The following DLGAP2 variants were observed in gnomAD, a reference collection of about 807,000 sequenced individuals.
DLGAP2 encodes disks large-associated protein 2.
DLGAP2 carries 26 observed loss-of-function variants against 100.3 expected under a neutral mutation model. That is an observed-to-expected ratio of 0.26 (90% CI 0.19 to 0.36). The LOEUF (loss-of-function observed/expected upper bound fraction) is 0.36, where lower values mean the gene tolerates loss of function less well. Among genes scored for constraint, DLGAP2 ranks in the 10% least tolerant of loss-of-function variants. DLGAP2 has a pLI of 1.00. For missense variants in DLGAP2, 1,858 were observed against 1,453.2 expected (o/e 1.28, Z -4.53); for synonymous variants, 886 against 630.1 (o/e 1.41, Z -6.08).
At chr8:976,367 T>C in intron 2 of DLGAP2, among the ~76,000 whole-genome samples, 1 of 151,988 alleles carries the variant, frequency 6.6e-6, no homozygotes, top group East Asian at 1.9e-4. Flanking sequence ...ATCCTAGCAC[T>C]TTGGGAGATC....
chr8:1,017,625 G>A (rs1044977008), intron 2 of DLGAP2, among the ~76,000 whole-genome samples: 4 of 144,912 alleles, frequency 2.8e-5, no homozygotes, highest in East Asian at 1.9e-4. Flanking sequence ...CCTCCACTGT[G>A]TGTGTGACCG....
chr8:1,092,058 G>A (rs749643143), intron 2 of DLGAP2, among the ~76,000 whole-genome samples: 2 of 152,142 alleles, frequency 1.3e-5, no homozygotes, highest in East Asian at 1.9e-4. Flanking sequence ...CACTCCAGCC[G>A]TGCAGCCTCT....
At chr8:769,844 G>A (rs1469142558) in intron 1 of DLGAP2, among the ~76,000 whole-genome samples, 1 of 152,082 alleles carries the variant, frequency 6.6e-6, no homozygotes. Context: ...CAGCCTCCAC[G>A]GACATGTTAC....
chr8:1,191,381 A>C (rs538156587), intron 2 of DLGAP2, among the ~76,000 whole-genome samples: 13 of 152,238 alleles, frequency 8.5e-5, no homozygotes, highest in African/African-American at 2.9e-4. Context: ...CGTGTTAGCC[A>C]GGATGGTCTT....
At chr8:1,376,375 C>T (rs941410335) in intron 3 of DLGAP2, among the ~76,000 whole-genome samples, 2 of 152,254 alleles carry the variant, frequency 1.3e-5, no homozygotes, top group African/African-American at 4.8e-5. Flanking sequence ...CCACGGGGGC[C>T]TGCAGAGAGA....
chr8:808,616 G>C (rs1386824800), intron 1 of DLGAP2, among the ~76,000 whole-genome samples: 4 of 151,844 alleles, frequency 2.6e-5, no homozygotes, highest in Non-Finnish European at 4.4e-5. Context: ...GGCGGAGCCT[G>C]TGTGAGGAGG....
At chr8:750,515 G>T (rs1229764553) in intron 1 of DLGAP2, among the ~76,000 whole-genome samples, 1 of 152,298 alleles carries the variant, frequency 6.6e-6, no homozygotes. Context: ...GAAAATTAAA[G>T]AAGCCAATAT....
chr8:921,600 G>C (rs773632698), intron 2 of DLGAP2, among the ~76,000 whole-genome samples: 1 of 152,230 alleles, frequency 6.6e-6, no homozygotes, highest in African/African-American at 2.4e-5. Flanking sequence ...CTGGTCCCGT[G>C]TCCCTTCTGC....
chr8:1,161,445 G>T (rs1255043216), intron 2 of DLGAP2, among the ~76,000 whole-genome samples: 4 of 152,232 alleles, frequency 2.6e-5, no homozygotes, highest in African/African-American at 9.6e-5. Context: ...AATGCTGGCA[G>T]AGGGCTCAGC....
At chr8:1,323,666 T>C (rs1800958223) in intron 3 of DLGAP2, among the ~76,000 whole-genome samples, 1 of 152,202 alleles carries the variant, frequency 6.6e-6, no homozygotes, top group Admixed American at 6.5e-5. Flanking sequence ...TCTGGGCAGC[T>C]ATCCTTAGCA....
At chr8:875,175 G>A (rs1236369521) in intron 1 of DLGAP2, among the ~76,000 whole-genome samples, 3 of 151,874 alleles carry the variant, frequency 2.0e-5, no homozygotes, top group Admixed American at 2.0e-4. Flanking sequence ...GGGTAGAGTT[G>A]GATCTTTTTT....
intron 3 of DLGAP2, among the ~76,000 whole-genome samples, chr8:1,459,482 T>C (rs1289411499): frequency 6.6e-6 from 1 of 152,218 alleles, no homozygotes; most frequent in African/African-American, 2.4e-5. Context: ...TTCTATTCCA[T>C]GCACGCTTGT....
chr8:1,338,083 A>C (rs539819609), intron 3 of DLGAP2, among the ~76,000 whole-genome samples: 1 of 152,376 alleles, frequency 6.6e-6, no homozygotes, highest in African/African-American at 2.4e-5. Flanking sequence ...GAGACAGCCC[A>C]TGGGCACGTA....
At chr8:1,321,679 C>G (rs1284481535) in intron 3 of DLGAP2, among the ~76,000 whole-genome samples, 1 of 152,198 alleles carries the variant, frequency 6.6e-6, no homozygotes, top group Non-Finnish European at 1.5e-5. Flanking sequence ...TGTTTAAAAT[C>G]ACATGCATAG....
intron 3 of DLGAP2, among the ~76,000 whole-genome samples, chr8:1,349,591 A>G (rs139400006): frequency 0.21 from 16,521 of 80,140 alleles, 510 homozygotes; most frequent in East Asian, 0.31. Context: ...GGAGACTATC[A>G]TGAGCCTCCT....
At chr8:1,225,357 C>A (rs955543043) in intron 2 of DLGAP2, among the ~76,000 whole-genome samples, 1 of 152,202 alleles carries the variant, frequency 6.6e-6, no homozygotes. Flanking sequence ...GATTTCACAT[C>A]AATGAAATAT....
chr8:980,545 C>G (rs867839704), intron 2 of DLGAP2, among the ~76,000 whole-genome samples: 2 of 152,208 alleles, frequency 1.3e-5, no homozygotes, highest in African/African-American at 4.8e-5. Flanking sequence ...TCTGTTCTCT[C>G]TTCGCCAATT....
At chr8:1,529,925 G>A (rs1385681021) in intron 4 of DLGAP2, among the ~76,000 whole-genome samples, 1 of 152,206 alleles carries the variant, frequency 6.6e-6, no homozygotes, top group Non-Finnish European at 1.5e-5. Context: ...AGGGGAGGGA[G>A]TGTGCGAATA....
At chr8:997,546 G>A (rs1246938884) in intron 2 of DLGAP2, among the ~76,000 whole-genome samples, 1 of 152,032 alleles carries the variant, frequency 6.6e-6, no homozygotes, top group East Asian at 1.9e-4. Context: ...TTCATTAAAC[G>A]GGATGATACT....
Sources: allele counts gnomAD v4.1 joint callset (sites outside exome capture counted in the v4.1 genomes callset), GRCh38; gene constraint gnomAD v4.1.1; transcripts MANE v1.5; gene names NCBI Gene and HGNC (gene_info 2026-07-23, HGNC 2026-07-21).